The following NCKAP5 variants were observed in gnomAD, a reference collection of about 807,000 sequenced individuals.
NCKAP5 encodes NCK associated protein 5.
A neutral mutation model predicts 167.0 loss-of-function variants in NCKAP5; 92 were observed. That is an observed-to-expected ratio of 0.55 (90% CI 0.47 to 0.66). NCKAP5 has a LOEUF of 0.66. NCKAP5 is among the 30% of genes least tolerant of loss of function. NCKAP5 has a pLI of 0.00. For missense variants in NCKAP5, 2,378 were observed against 2,315.0 expected, an observed-to-expected ratio of 1.03 and a Z score of -0.56; for synonymous variants, 891 against 877.4, an observed-to-expected ratio of 1.02 and a Z score of -0.27.
At chr2:133,638,857 CAA>C in the NCKAP5 span, among the ~76,000 whole-genome samples, 49 of 84,018 alleles carry the variant, frequency 5.8e-4, no homozygotes, top group Admixed American at 6.8e-4. Flanking sequence ...GACTCTATCT[CAA>C]AAAAAAAAAA....
intron 5 of NCKAP5, among the ~76,000 whole-genome samples, chr2:133,139,949 T>C (rs1049922145): frequency 3.9e-5 from 6 of 152,340 alleles, no homozygotes; most frequent in Admixed American, 2.0e-4. Flanking sequence ...TCAGACTCTC[T>C]TTCCCTTACC....
chr2:133,199,209 C>T (rs1029520126), intron 5 of NCKAP5, among the ~76,000 whole-genome samples: 4 of 151,732 alleles, frequency 2.6e-5, no homozygotes, highest in African/African-American at 9.7e-5. Flanking sequence ...GCAAACGTTC[C>T]TAGAATACAG....
At chr2:133,403,835 A>C (rs1302595723) in intron 3 of NCKAP5, among the ~76,000 whole-genome samples, 3 of 152,022 alleles carry the variant, frequency 2.0e-5, no homozygotes, top group Non-Finnish European at 4.4e-5. Context: ...AACACATTTT[A>C]CTGATGTGTT....
intron 5 of NCKAP5, among the ~76,000 whole-genome samples, chr2:133,156,522 T>C (rs2083583338): frequency 6.6e-6 from 1 of 152,174 alleles, no homozygotes; most frequent in African/African-American, 2.4e-5. Flanking sequence ...GCCTTTCATA[T>C]ACAATGTTTC....
chr2:133,595,392 CTCT>C, the NCKAP5 span, among the ~76,000 whole-genome samples: 7 of 132,826 alleles, frequency 5.3e-5, no homozygotes, highest in South Asian at 4.9e-4. Context: ...CCTCCTCCTC[CTCT>C]TCTTCTTTTT....
chr2:133,331,944 C>T (rs115971728), intron 3 of NCKAP5, among the ~76,000 whole-genome samples: 4,701 of 152,262 alleles, frequency 0.031, 242 homozygotes, highest in African/African-American at 0.11. Context: ...GGAGTAGATG[C>T]TATTTACACA....
At chr2:132,906,461 C>T (rs1331010977) in intron 8 of NCKAP5, among the ~76,000 whole-genome samples, 5 of 152,074 alleles carry the variant, frequency 3.3e-5, no homozygotes, top group Admixed American at 6.6e-5. Flanking sequence ...GGACCTTGCA[C>T]CCCAACCAAA....
At chr2:133,610,013 C>A in the NCKAP5 span, among the ~76,000 whole-genome samples, 273 of 152,242 alleles carry the variant, frequency 1.8e-3, 1 homozygote, top group African/African-American at 6.2e-3. Context: ...CCTGCTTGAT[C>A]CCAATAGGAG....
At chr2:132,994,956 C>T (rs1052387853) in intron 6 of NCKAP5, among the ~76,000 whole-genome samples, 1 of 151,158 alleles carries the variant, frequency 6.6e-6, no homozygotes, top group African/African-American at 2.5e-5. Flanking sequence ...TCTAAACATA[C>T]CTAAATGTAG....
chr2:133,666,717 G>A, the NCKAP5 span, among the ~76,000 whole-genome samples: 42 of 151,980 alleles, frequency 2.8e-4, 1 homozygote, highest in Middle Eastern at 3.4e-3. Flanking sequence ...TAGAATAGAT[G>A]ATAATGGAAT....
intron 5 of NCKAP5, among the ~76,000 whole-genome samples, chr2:133,160,068 C>G (rs1409421864): frequency 6.6e-6 from 1 of 152,172 alleles, no homozygotes; most frequent in Non-Finnish European, 1.5e-5. Flanking sequence ...GATTCAGCAG[C>G]TGTATTAGTT....
intron 6 of NCKAP5, among the ~76,000 whole-genome samples, chr2:133,012,089 T>TC (rs2078179649): frequency 6.6e-6 from 1 of 152,150 alleles, no homozygotes. Context: ...CTCCTTTGTC[T>TC]CCTTTCTCCC....
At chr2:132,997,314 T>A (rs546232826) in intron 6 of NCKAP5, among the ~76,000 whole-genome samples, 16 of 152,296 alleles carry the variant, frequency 1.1e-4, no homozygotes, top group Middle Eastern at 6.8e-3. Flanking sequence ...GGGCGCTGGT[T>A]ACGAGTACTC....
chr2:133,446,852 G>A (rs1168319940), intron 3 of NCKAP5, among the ~76,000 whole-genome samples: 3 of 152,136 alleles, frequency 2.0e-5, no homozygotes, highest in Admixed American at 6.5e-5. Flanking sequence ...AGGGAGAAAG[G>A]ATGAGAAAGA....
At chr2:132,818,960 G>A (rs927038278) in intron 11 of NCKAP5, among the ~76,000 whole-genome samples, 1 of 152,260 alleles carries the variant, frequency 6.6e-6, no homozygotes, top group African/African-American at 2.4e-5. Context: ...GGAAGCACAC[G>A]TATTACCATC....
chr2:133,644,155 T>A, the NCKAP5 span, among the ~76,000 whole-genome samples: 10 of 152,178 alleles, frequency 6.6e-5, no homozygotes, highest in African/African-American at 1.2e-4. Context: ...CTGGAAGAGA[T>A]TAACATTTGA....
intron 2 of NCKAP5, among the ~76,000 whole-genome samples, chr2:133,533,288 T>C (rs1685504797): frequency 6.6e-6 from 1 of 152,240 alleles, no homozygotes; most frequent in Non-Finnish European, 1.5e-5. Flanking sequence ...AGGTTCACTT[T>C]ACCAAACTCT....
intron 6 of NCKAP5, among the ~76,000 whole-genome samples, chr2:133,095,365 T>C (rs78545036): frequency 0.045 from 6,801 of 152,286 alleles, 243 homozygotes; most frequent in Non-Finnish European, 0.062. Context: ...CCTTCTCTTG[T>C]TATTTTCCTG....
intron 6 of NCKAP5, among the ~76,000 whole-genome samples, chr2:132,994,441 T>C (rs1329247497): frequency 1.3e-5 from 2 of 152,182 alleles, no homozygotes; most frequent in African/African-American, 4.8e-5. Context: ...ATTCTCTTTC[T>C]CTACCATTCA....
Sources: allele counts gnomAD v4.1 joint callset (sites outside exome capture counted in the v4.1 genomes callset), GRCh38; gene constraint gnomAD v4.1.1; transcripts MANE v1.5; gene names NCBI Gene and HGNC (gene_info 2026-07-23, HGNC 2026-07-21).